The following RIMS1 variants were observed in gnomAD, a reference collection of about 807,000 sequenced individuals.
RIMS1 encodes the protein regulating synaptic membrane exocytosis protein 1.
A neutral mutation model predicts 214.1 loss-of-function variants in RIMS1; 83 were observed. That is an observed-to-expected ratio of 0.39 (90% CI 0.32 to 0.47). RIMS1 has a LOEUF of 0.47. Among genes scored for constraint, RIMS1 ranks in the 20% least tolerant of loss-of-function variants. RIMS1 has a pLI of 0.99. For synonymous variants in RIMS1, 793 were observed against 786.8 expected, an observed-to-expected ratio of 1.01 and a Z score of -0.13; for missense variants, 2,050 against 2,161.8, an observed-to-expected ratio of 0.95 and a Z score of 1.03.
At chr6:72,085,117 T>A (rs534246198) in intron 2 of RIMS1, among the ~76,000 whole-genome samples, 5 of 152,230 alleles carry the variant, frequency 3.3e-5, no homozygotes, top group African/African-American at 1.2e-4. Flanking sequence ...TTTAAATAAC[T>A]GTGACAGAAT....
intron 4 of RIMS1, among the ~76,000 whole-genome samples, chr6:72,139,587 T>C: frequency 6.6e-6 from 1 of 152,156 alleles, no homozygotes; most frequent in Non-Finnish European, 1.5e-5. Context: ...TTCCCTAGGG[T>C]CTGGTTAGTA....
chr6:72,090,318 C>T (rs1835878449), intron 2 of RIMS1, among the ~76,000 whole-genome samples: 1 of 152,022 alleles, frequency 6.6e-6, no homozygotes, highest in Non-Finnish European at 1.5e-5. Context: ...GATGGTGGAA[C>T]TTTGAGTAGT....
intron 2 of RIMS1, among the ~76,000 whole-genome samples, chr6:72,090,504 C>T (rs1835922059): frequency 6.6e-6 from 1 of 151,170 alleles, no homozygotes. Context: ...GATGTACAAA[C>T]ATCATTAAAA....
At chr6:72,009,169 C>G (rs1395824470) in intron 2 of RIMS1, among the ~76,000 whole-genome samples, 2 of 152,194 alleles carry the variant, frequency 1.3e-5, no homozygotes, top group Non-Finnish European at 2.9e-5. Flanking sequence ...GATTAAGAAA[C>G]TCACTCAAAA....
At chr6:72,039,202 A>C (rs1248705122) in intron 2 of RIMS1, among the ~76,000 whole-genome samples, 1 of 152,128 alleles carries the variant, frequency 6.6e-6, no homozygotes, top group East Asian at 1.9e-4. Flanking sequence ...TGAATTAGCA[A>C]CATACCTGTT....
chr6:72,111,399 T>G lies in RIMS1; in HGVS notation c.471+11413T>G, dbSNP rs188260771. Among the ~76,000 whole-genome samples, 78 of 152,274 alleles carry G rather than the reference T, an allele frequency of 5.1e-4. 1 individual carries two copies. The East Asian group carries it at 8.5e-3, about 17-fold the overall frequency. On this transcript the variant is annotated intron_variant, in intron 4 of 33. Transcript: ENST00000521978. ...ATTTGAATAATCTGAAAACAAAATT[T>G]TGTTGATAGCAGGTTGTCCTGTTTT...
chr6:72,278,093 A>G (rs1418643635), intron 23 of RIMS1, among the ~76,000 whole-genome samples: 1 of 152,080 alleles, frequency 6.6e-6, no homozygotes, highest in Non-Finnish European at 1.5e-5. Flanking sequence ...TTAACATGTC[A>G]CTGGCTTTAC....
At chr6:71,950,537 GC>G (rs1427439903) in intron 1 of RIMS1, among the ~76,000 whole-genome samples, 1 of 152,128 alleles carries the variant, frequency 6.6e-6, no homozygotes, top group Non-Finnish European at 1.5e-5. Context: ...GGACATTTGA[GC>G]CTATCATTAG....
At chr6:72,317,777 C>G (rs575813225) in intron 28 of RIMS1, among the ~76,000 whole-genome samples, 1 of 152,044 alleles carries the variant, frequency 6.6e-6, no homozygotes, top group Non-Finnish European at 1.5e-5. Flanking sequence ...TACACTGTTC[C>G]GAACTTCAAT....
At chr6:72,075,853 A>G (rs1451131111) in intron 2 of RIMS1, among the ~76,000 whole-genome samples, 10 of 152,186 alleles carry the variant, frequency 6.6e-5, no homozygotes, top group Non-Finnish European at 1.3e-4. Flanking sequence ...GTTTTTTAAA[A>G]TTAAATAGTA....
chr6:71,971,960 C>T (rs1373733214), intron 2 of RIMS1, among the ~76,000 whole-genome samples: 1 of 152,018 alleles, frequency 6.6e-6, no homozygotes, highest in African/African-American at 2.4e-5. Flanking sequence ...TGTAAGTTAT[C>T]CAAGCATATA....
chr6:72,040,732 C>G (rs1821209084), intron 2 of RIMS1, among the ~76,000 whole-genome samples: 1 of 151,806 alleles, frequency 6.6e-6, no homozygotes, highest in Non-Finnish European at 1.5e-5. Context: ...TAAAATAAAT[C>G]TAAAAAATAG....
chr6:71,984,743 G>GTGTATGTATGTATGTATGTA (rs68138613), intron 2 of RIMS1, among the ~76,000 whole-genome samples: 10 of 149,110 alleles, frequency 6.7e-5, no homozygotes, highest in African/African-American at 2.5e-4. Context: ...GTATCCATCT[G>GTGTATGTATGTATGTATGTA]TGTATGTATG....
At chr6:72,274,689 G>T (rs1276425356) in intron 23 of RIMS1, among the ~76,000 whole-genome samples, 5 of 152,108 alleles carry the variant, frequency 3.3e-5, no homozygotes, top group Non-Finnish European at 5.9e-5. Context: ...GCATTTGATT[G>T]TGTTTTGAAT....
chr6:71,917,199 T>A, intron 1 of RIMS1, among the ~76,000 whole-genome samples: 1 of 152,162 alleles, frequency 6.6e-6, no homozygotes, highest in East Asian at 1.9e-4. Context: ...GCCTGTCACA[T>A]AAGGGCTATG....
intron 2 of RIMS1, among the ~76,000 whole-genome samples, chr6:71,997,128 A>G (rs1803696683): frequency 6.6e-6 from 1 of 152,214 alleles, no homozygotes; most frequent in Non-Finnish European, 1.5e-5. Flanking sequence ...TAACTTAATT[A>G]CTTTTGAAGA....
At chr6:72,281,932 G>C (rs1009331853) in intron 23 of RIMS1, among the ~76,000 whole-genome samples, 1 of 151,962 alleles carries the variant, frequency 6.6e-6, no homozygotes. Context: ...TCAACAAAGT[G>C]TACATTTCTT....
chr6:72,287,422 C>T (rs749857575), intron 24 of RIMS1, among the ~76,000 whole-genome samples: 18 of 152,214 alleles, frequency 1.2e-4, no homozygotes, highest in East Asian at 7.7e-4. Context: ...TGACTAAAGA[C>T]GCAAATTTTT....
At chr6:72,097,307 C>T (rs887588068) in intron 3 of RIMS1, 145 bp downstream of exon 3, 12 of 695,676 alleles carry the variant, frequency 1.7e-5, no homozygotes, top group Non-Finnish European at 2.7e-5. Context: ...TTGTTCATGT[C>T]CTTAATAAGG....
Sources: gnomAD v4.1 joint callset for allele counts (sites outside exome capture counted in the v4.1 genomes callset) on GRCh38, gnomAD v4.1.1 for gene constraint, MANE v1.5 for transcripts, NCBI Gene and HGNC (gene_info 2026-07-23, HGNC 2026-07-21) for gene names.